FBXO31: variants seen among roughly 807,000 people sequenced by gnomAD.
The protein encoded by FBXO31 is F-box only protein 31.
A neutral mutation model predicts 54.4 loss-of-function variants in FBXO31; 24 were observed. The ratio of observed to expected loss-of-function variants is 0.44; its 90% CI spans 0.32 to 0.62. FBXO31 has a LOEUF of 0.62. FBXO31 is among the 20% of genes least tolerant of loss of function. The pLI is 0.05. For missense variants in FBXO31, 665 were observed against 787.1 expected (o/e 0.84, Z 1.86); for synonymous variants, 388 against 335.6 (o/e 1.16, Z -1.71).
Position 87,335,317 on chromosome 16 carries a change from C to A in FBXO31, c.983G>T (p.Gly328Val). The A allele has an allele frequency of 1.9e-6, 3 of 1,613,752 alleles. No individual in the cohort carries two copies. Among genetic ancestry groups the A allele is most frequent in the African/African-American group, 1.3e-5 (1 of 75,064 alleles). Residue 328 changes from glycine (G) to valine (V), a missense_variant, in exon 7 of 9, where the codon GGC becomes GTC. Physicochemically the swap from Gly to Val is moderately radical, Grantham distance 109. This residue lies in a region of FBXO31 where 234 missense variants were observed against 346.8 expected (regional missense o/e 0.67). Coordinates refer to ENST00000311635, the MANE Select transcript of FBXO31 (RefSeq NM_024735.5). The surrounding 1 kb of genome is among the most constrained non-coding windows in gnomAD (Gnocchi z 5.7). ...GCCGCCACTCACCGTGATCTTGGTG[C>A]CCCTGGCACGCCGGCCGTGGAAGCT... ...MLSFHGRRAR[G>V]TKITGDPNIP...
chr16:87,342,221 A>G (rs1266028692), intron 5 of FBXO31, among the ~76,000 whole-genome samples: 1 of 151,950 alleles, frequency 6.6e-6, no homozygotes, highest in African/African-American at 2.4e-5. Context: ...TACCCAGCTA[A>G]TATTTTTGGT....
At chr16:87,353,268 G>C (rs1362615724) in intron 2 of FBXO31, among the ~76,000 whole-genome samples, 1 of 152,136 alleles carries the variant, frequency 6.6e-6, no homozygotes, top group Non-Finnish European at 1.5e-5. Context: ...CAAAGACCCT[G>C]TGATGACACA....
At chr16:87,359,909 G>A (rs572021707) in intron 2 of FBXO31, among the ~76,000 whole-genome samples, 2 of 152,246 alleles carry the variant, frequency 1.3e-5, no homozygotes, top group African/African-American at 4.8e-5. Flanking sequence ...TCCGTACCTG[G>A]GGCTTGGACA....
rs551731680 is a variant in FBXO31, at chr16:87,354,456, G to A, written c.412+5839C>T. 6.0e-5 allele frequency among the ~76,000 whole-genome samples: 9 copies of A among 148,908 alleles called. No individual in the cohort carries two copies. The East Asian group carries it at 8.8e-4, about 15-fold the overall frequency. Reference sequence around the variant, plus strand: ...AGTACTCCAGCCTGGGCAACAGAGCGAGATCCTGTCTCAAAAAAAAAAAAC... The same window carrying A: ...AGTACTCCAGCCTGGGCAACAGAGCAAGATCCTGTCTCAAAAAAAAAAAAC... On this transcript the variant is annotated intron_variant, in intron 2 of 8. Transcript: ENST00000311635.
intron 2 of FBXO31, among the ~76,000 whole-genome samples, chr16:87,359,876 G>A (rs1194783756): frequency 1.3e-5 from 2 of 152,178 alleles, no homozygotes; most frequent in East Asian, 3.9e-4. Flanking sequence ...AAGGGAAGGA[G>A]AACTCTAGCA....
rs950419943 is a variant in FBXO31 at position 87,383,646 on chromosome 16, G to A, written c.99C>T (p.Ser33=). The A allele has an allele frequency of 9.6e-6, 13 of 1,348,304 alleles. No homozygotes were observed. The highest frequency in any genetic ancestry group is 9.2e-5 in the African/African-American group (6 of 65,324). The allele number at this position is 1,348,304 out of a possible 1,614,324, so 83.5% of individuals were successfully genotyped here. Residue 33 remains serine, a synonymous_variant, in exon 1 of 9, where the codon AGC becomes AGT. Transcript: ENST00000311635. The surrounding 1 kb of genome is among the most constrained non-coding windows in gnomAD (Gnocchi z 4.9). ...CCTCCTCGGGGTCTGTGTCCGGCTC[G>A]CTGTCGGCCGCCGCCGTCTCGGCCG... The part of the protein sequence containing the change: ...RGPAETAAAD[S]EPDTDPEEER...
At chr16:87,377,498 C>A (rs1049808708) in intron 1 of FBXO31, among the ~76,000 whole-genome samples, 3 of 152,088 alleles carry the variant, frequency 2.0e-5, no homozygotes, top group African/African-American at 7.2e-5. Context: ...AGTTGAAAAG[C>A]AAATGACTAT....
intron 5 of FBXO31, 87 bp downstream of exon 5, chr16:87,342,790 A>ACTT (rs1905233258): frequency 6.9e-6 from 8 of 1,158,820 alleles, no homozygotes; most frequent in Non-Finnish European, 9.7e-6. Context: ...CATGCTGCTG[A>ACTT]CTTCTCTCCC....
At chr16:87,363,933 G>T (rs7498213) in intron 1 of FBXO31, among the ~76,000 whole-genome samples, 2,661 of 152,252 alleles carry the variant, frequency 0.017, 107 homozygotes, top group African/African-American at 0.061. Context: ...TCTAGTTGGA[G>T]ATAAAAGAAT....
chr16:87,354,918 G>T (rs753874818), intron 2 of FBXO31, among the ~76,000 whole-genome samples: 7 of 151,888 alleles, frequency 4.6e-5, no homozygotes, highest in African/African-American at 7.3e-5. Flanking sequence ...AATGAGCCAA[G>T]ATCGCGCCAC....
intron 1 of FBXO31, among the ~76,000 whole-genome samples, chr16:87,379,699 T>C (rs1906989377): frequency 6.6e-6 from 1 of 151,980 alleles, no homozygotes; most frequent in Non-Finnish European, 1.5e-5. Context: ...GCAATTCTCT[T>C]GCCTCAGCCT....
intron 2 of FBXO31, among the ~76,000 whole-genome samples, chr16:87,354,546 A>C (rs555401336): frequency 3.9e-4 from 60 of 152,178 alleles, no homozygotes; most frequent in African/African-American, 1.4e-3. Context: ...ATCTGCTGTC[A>C]GGACAACAGG....
intron 1 of FBXO31, among the ~76,000 whole-genome samples, chr16:87,378,505 G>A (rs959585861): frequency 7.9e-5 from 12 of 152,168 alleles, no homozygotes; most frequent in African/African-American, 1.9e-4. Flanking sequence ...TACTGCATCC[G>A]GGCAGTTAAG....
At chr16:87,340,127 A>G in intron 5 of FBXO31, among the ~76,000 whole-genome samples, 1 of 152,228 alleles carries the variant, frequency 6.6e-6, no homozygotes, top group Non-Finnish European at 1.5e-5. Context: ...CGCTAAAAAT[A>G]TAAAAATTAG....
chr16:87,353,877 CCT>C (rs2150681699), intron 2 of FBXO31, among the ~76,000 whole-genome samples: 1 of 152,360 alleles, frequency 6.6e-6, no homozygotes, highest in South Asian at 2.1e-4. Flanking sequence ...TATTTTAGAC[CCT>C]CTTTGTGTTC....
intron 5 of FBXO31, among the ~76,000 whole-genome samples, chr16:87,339,027 G>A (rs913945659): frequency 6.6e-6 from 1 of 152,158 alleles, no homozygotes; most frequent in Non-Finnish European, 1.5e-5. Context: ...TGTAAGATGC[G>A]CCTTTCGCCT....
At chr16:87,380,920 A>G (rs894566662) in intron 1 of FBXO31, among the ~76,000 whole-genome samples, 18 of 152,214 alleles carry the variant, frequency 1.2e-4, no homozygotes, top group Non-Finnish European at 2.2e-4. Flanking sequence ...ATACCTTTGA[A>G]TTTTTGATTA....
intron 2 of FBXO31, among the ~76,000 whole-genome samples, chr16:87,350,719 G>A (rs1278576644): frequency 6.8e-6 from 1 of 147,422 alleles, no homozygotes; most frequent in African/African-American, 2.4e-5. Context: ...GAAATACTGG[G>A]GTTAAAAAAA....
rs530530948 is a variant in FBXO31 at position 87,339,495 on chromosome 16, C to A, written c.733-3231G>T. Among the ~76,000 whole-genome samples the A allele has an allele frequency of 3.3e-5, 5 of 152,342 alleles. No homozygotes were observed. In the East Asian group the frequency reaches 9.7e-4, roughly 29 times the overall value. The stretch of plus-strand genomic sequence containing the variant: ...GCCCCACAGGAGGGCGCAGCCAGTG[C>A]AGCCCCTGCAGAAGAGGAGAGGCTG... On this transcript the variant is annotated intron_variant, in intron 5 of 8. Coordinates refer to ENST00000311635, the MANE Select transcript of FBXO31 (RefSeq NM_024735.5).
Sources: allele counts gnomAD v4.1 joint callset (sites outside exome capture counted in the v4.1 genomes callset), GRCh38; gene constraint gnomAD v4.1.1; regional missense constraint gnomAD v4.1.1; non-coding constraint Gnocchi (gnomAD v3.1); transcripts MANE v1.5; gene names NCBI Gene and HGNC (gene_info 2026-07-23, HGNC 2026-07-21).